The following PPP2R2B variants were observed in gnomAD, a reference collection of about 807,000 sequenced individuals.
PPP2R2B encodes serine/threonine-protein phosphatase 2A 55 kDa regulatory subunit B beta isoform.
In PPP2R2B, 5 loss-of-function variants were observed where a neutral mutation model predicts 46.0. The observed-to-expected ratio is 0.11, with a 90% CI of 0.06 to 0.23. The LOEUF is 0.23. Among genes scored for constraint, PPP2R2B ranks in the 10% least tolerant of loss-of-function variants. PPP2R2B has a pLI of 1.00. For missense variants in PPP2R2B, 367 were observed against 575.0 expected (o/e 0.64, Z 3.70); for synonymous variants, 215 against 206.7 (o/e 1.04, Z -0.34).
intron 1 of PPP2R2B, among the ~76,000 whole-genome samples, chr5:147,053,624 G>A (rs1334447300): frequency 2.6e-5 from 4 of 151,688 alleles, no homozygotes; most frequent in African/African-American, 9.7e-5. Context: ...TTAAGTAAGT[G>A]TAACCAGTTT....
chr5:146,641,106 G>A (rs1172602227), intron 6 of PPP2R2B, among the ~76,000 whole-genome samples: 3 of 152,188 alleles, frequency 2.0e-5, no homozygotes, highest in East Asian at 1.9e-4. Context: ...CTGATCAGGG[G>A]CCAGGCCTGC....
chr5:146,975,350 G>A (rs1323621154), intron 1 of PPP2R2B, among the ~76,000 whole-genome samples: 1 of 152,082 alleles, frequency 6.6e-6, no homozygotes, highest in African/African-American at 2.4e-5. Flanking sequence ...TCTTTCTTAA[G>A]AATAAGTAAT....
chr5:146,926,536 C>T (rs1029225982), intron 1 of PPP2R2B, among the ~76,000 whole-genome samples: 1 of 151,984 alleles, frequency 6.6e-6, no homozygotes, highest in Admixed American at 6.6e-5. Context: ...GGACCACAGG[C>T]TCCGATTTTA....
chr5:146,752,042 G>A (rs1753587839), intron 2 of PPP2R2B, among the ~76,000 whole-genome samples: 1 of 152,092 alleles, frequency 6.6e-6, no homozygotes, highest in African/African-American at 2.4e-5. Context: ...GTGTAAGGAG[G>A]AGCCACAGAG....
chr5:146,597,145 C>G (rs139037725), intron 8 of PPP2R2B, among the ~76,000 whole-genome samples: 176 of 152,302 alleles, frequency 1.2e-3, no homozygotes, highest in African/African-American at 4.0e-3. Flanking sequence ...ATCAAAAGTT[C>G]TGAGTCCCTA....
In PPP2R2B at chr5:146,588,095, A is replaced by G. The variant is rs914149587; in HGVS notation, c.*1852T>C. On this transcript the variant is annotated 3_prime_UTR_variant, in exon 10 of 10. Coordinates refer to ENST00000394411, the MANE Select transcript of PPP2R2B (RefSeq NM_181675.4). ...CCAAGAACACTGTCCCAGTCAGGACAGAAATCTTGCCCAGAGAGTTTACAC... is the reference window on the plus strand; with the variant it reads ...CCAAGAACACTGTCCCAGTCAGGACGGAAATCTTGCCCAGAGAGTTTACAC... The G allele has an allele frequency of 2.0e-4, 21 of 106,410 alleles. No homozygotes were observed. The highest frequency in any genetic ancestry group is 6.0e-4 in the African/African-American group (19 of 31,504). 6.6% of individuals were successfully genotyped at this position (106,410 alleles called of 1,614,324 possible). A position where few individuals can be genotyped will look rare whatever the true frequency, so the allele number is the denominator to read the frequency against.
At chr5:146,966,035 A>G (rs1023846578) in intron 1 of PPP2R2B, among the ~76,000 whole-genome samples, 2 of 152,222 alleles carry the variant, frequency 1.3e-5, no homozygotes, top group African/African-American at 4.8e-5. Context: ...AATTAAAAAC[A>G]TTATCTATTT....
chr5:146,714,156 A>T (rs1241910406), intron 2 of PPP2R2B, among the ~76,000 whole-genome samples: 3 of 152,154 alleles, frequency 2.0e-5, no homozygotes, highest in Non-Finnish European at 4.4e-5. Flanking sequence ...AAAGAAACGT[A>T]ATGTCCTGGA....
intron 2 of PPP2R2B, among the ~76,000 whole-genome samples, chr5:146,823,665 T>G (rs1392201157): frequency 6.6e-6 from 1 of 152,130 alleles, no homozygotes; most frequent in Non-Finnish European, 1.5e-5. Flanking sequence ...ATCTTGGAAA[T>G]GGATTCAATC....
intron 2 of PPP2R2B, among the ~76,000 whole-genome samples, chr5:147,061,386 G>T (rs938394782): frequency 1.8e-4 from 27 of 152,074 alleles, no homozygotes; most frequent in African/African-American, 6.5e-4. Flanking sequence ...CCAAGGAATG[G>T]GTTTGGCCCT....
At chr5:147,071,258 T>C (rs1034917360) in intron 2 of PPP2R2B, among the ~76,000 whole-genome samples, 4 of 152,156 alleles carry the variant, frequency 2.6e-5, no homozygotes, top group African/African-American at 7.2e-5. Flanking sequence ...AGGGAATTTA[T>C]CAGCTCTGGG....
chr5:147,026,979 C>T (rs1461769242), intron 1 of PPP2R2B, among the ~76,000 whole-genome samples: 2 of 152,170 alleles, frequency 1.3e-5, no homozygotes, highest in Non-Finnish European at 2.9e-5. Flanking sequence ...AAAAAGCTTT[C>T]TAAAACACAG....
intron 2 of PPP2R2B, among the ~76,000 whole-genome samples, chr5:146,858,529 T>C (rs142427986): frequency 0.017 from 2,618 of 152,248 alleles, 29 homozygotes; most frequent in Non-Finnish European, 0.026. Flanking sequence ...TTATCAAAGA[T>C]TTCACTGCTT....
intron 2 of PPP2R2B, among the ~76,000 whole-genome samples, chr5:146,735,833 C>T (rs187025945): frequency 6.6e-6 from 1 of 152,284 alleles, no homozygotes; most frequent in African/African-American, 2.4e-5. Flanking sequence ...AATAAAGAGT[C>T]ATCTATTGCT....
At chr5:146,631,767 A>G (rs1203755585) in intron 7 of PPP2R2B, among the ~76,000 whole-genome samples, 1 of 152,210 alleles carries the variant, frequency 6.6e-6, no homozygotes, top group Non-Finnish European at 1.5e-5. Flanking sequence ...GAAACTGTCG[A>G]GACCCAATGC....
At chr5:146,980,814 A>T (rs1753137509) in intron 1 of PPP2R2B, among the ~76,000 whole-genome samples, 1 of 152,118 alleles carries the variant, frequency 6.6e-6, no homozygotes, top group African/African-American at 2.4e-5. Context: ...ACAAGATTTC[A>T]TATACATACA....
intron 2 of PPP2R2B, among the ~76,000 whole-genome samples, chr5:146,831,493 T>C (rs547199421): frequency 3.0e-5 from 2 of 66,988 alleles, no homozygotes; most frequent in South Asian, 8.4e-4. Context: ...TGAGACTCCA[T>C]CTCTCAAAAA....
intron 2 of PPP2R2B, among the ~76,000 whole-genome samples, chr5:146,822,696 C>A (rs1001488049): frequency 6.6e-6 from 1 of 152,106 alleles, no homozygotes; most frequent in African/African-American, 2.4e-5. Context: ...TTCTTCCTCC[C>A]ACAGATTATT....
intron 1 of PPP2R2B, among the ~76,000 whole-genome samples, chr5:146,928,475 C>T (rs1055877239): frequency 1.3e-5 from 2 of 151,724 alleles, no homozygotes; most frequent in African/African-American, 4.8e-5. Context: ...AAAAAAAAAT[C>T]AAGTTATTCT....
Sources: gnomAD v4.1 joint callset for allele counts (sites outside exome capture counted in the v4.1 genomes callset) on GRCh38, gnomAD v4.1.1 for gene constraint, MANE v1.5 for transcripts, NCBI Gene and HGNC (gene_info 2026-07-23, HGNC 2026-07-21) for gene names.